Variants in PHRF1 observed in about 807,000 individuals in gnomAD.
PHRF1 encodes PHD and ring finger domains 1, also known as PHD and RING finger domain-containing protein 1.
PHRF1 carries 53 observed loss-of-function variants against 128.9 expected under a neutral mutation model. The ratio of observed to expected loss-of-function variants is 0.41; its 90% confidence interval spans 0.33 to 0.52. The LOEUF is 0.52. Ranked by LOEUF, PHRF1 falls within the 20% of genes least tolerant of loss-of-function variation. The pLI, the probability that PHRF1 is intolerant of heterozygous loss-of-function variation, is 0.21. For missense variants in PHRF1, 2,503 were observed against 2,284.5 expected (o/e 1.10, Z -1.95); for synonymous variants, 1,178 against 980.6 (o/e 1.20, Z -3.76).
At chr11:586,947 A>C (rs930107957) in intron 3 of PHRF1, among the ~76,000 whole-genome samples, 3 of 152,140 alleles carry the variant, frequency 2.0e-5, no homozygotes, top group African/African-American at 7.2e-5. Context: ...GCTAGGCCCC[A>C]GGGCTGCCCT....
At chr11:582,314 G>GAGTAC (rs1189931758) in intron 3 of PHRF1, among the ~76,000 whole-genome samples, 3 of 150,058 alleles carry the variant, frequency 2.0e-5, no homozygotes, top group Non-Finnish European at 4.4e-5. Context: ...GCCCAGGCTG[G>GAGTAC]AGTACAGTGG....
chr11:604,116 A>G (rs955969246), intron 10 of PHRF1, among the ~76,000 whole-genome samples: 3 of 152,194 alleles, frequency 2.0e-5, no homozygotes, highest in Non-Finnish European at 2.9e-5. Flanking sequence ...AGGACCTGCT[A>G]TTTCCCAGTT....
At position 596,740 on chromosome 11, in the gene PHRF1, A is replaced by G. The variant is rs190009721; in HGVS notation, c.621-183A>G. ...CTATAACCTTAAAGGTTCCATGTCTATCTGCTGTCACATTGGGGGTTAGGG... is the reference window on the plus strand; with the variant it reads ...CTATAACCTTAAAGGTTCCATGTCTGTCTGCTGTCACATTGGGGGTTAGGG... On this transcript the variant is annotated intron_variant, in intron 6 of 17. Transcript: ENST00000264555. 2.4e-3 allele frequency among the ~76,000 whole-genome samples: 365 copies of G among 152,270 alleles called. 3 individuals carry two copies. The highest frequency in any genetic ancestry group is 7.9e-3 in the African/African-American group (329 of 41,544).
At chr11:581,638 C>T (rs193011839) in intron 2 of PHRF1, 32 bp downstream of exon 2, 1 of 1,578,414 alleles carries the variant, frequency 6.3e-7, no homozygotes, top group African/African-American at 1.4e-5. Flanking sequence ...AGGGGCGTCC[C>T]CAGGAGGAGC....
intron 3 of PHRF1, among the ~76,000 whole-genome samples, chr11:583,508 CTCTG>C (rs1854345325): frequency 6.6e-6 from 1 of 152,176 alleles, no homozygotes; most frequent in South Asian, 2.1e-4. Flanking sequence ...CAGAGCGAGA[CTCTG>C]TCTCAAAAAG....
rs1424621081 is a variant in PHRF1, at chr11:591,391, A to G, written c.428A>G (p.Asn143Ser). ...TGTTTTTATTTCTCACAGAATGCCA[A>G]TTCCTGTCCAGTTGATCGAACTCTA... is the stretch of plus-strand genomic sequence containing the variant. ...DCIVEWSKNA[N>S]SCPVDRTLFK... Residue 143 changes from asparagine to serine, a missense_variant, in exon 5 of 18, where the codon AAT (asparagine) becomes AGT (serine). Asn to Ser is a conservative substitution (Grantham distance 46). Transcript: ENST00000264555. 2.5e-6 allele frequency: 4 copies of G among 1,607,308 alleles called. No individual in the cohort carries two copies. Among genetic ancestry groups the G allele is most frequent in the African/African-American group, 1.3e-5 (1 of 74,568 alleles).
Position 610,494 on chromosome 11 carries a change from C to G in PHRF1, c.4417-7C>G, listed in dbSNP as rs762855660. 6.2e-7 allele frequency: 1 copy of G among 1,601,570 alleles called. No homozygotes were observed. Among genetic ancestry groups the G allele is most frequent in the South Asian group, 1.1e-5 (1 of 90,546 alleles). The stretch of plus-strand genomic sequence containing the variant: ...GGCCCAGTGCTCAGCAGGGGTGTCC[C>G]TCCCAGGTTTACAGCCCCGGCCTGC... On this transcript the variant is annotated splice_polypyrimidine_tract_variant and splice_region_variant and intron_variant, in intron 15 of 17. Coordinates refer to ENST00000264555, the MANE Select transcript of PHRF1 (RefSeq NM_001286581.2).
chr11:594,974 A>G (rs1435326615), intron 6 of PHRF1, among the ~76,000 whole-genome samples: 1 of 152,228 alleles, frequency 6.6e-6, no homozygotes, highest in Admixed American at 6.5e-5. Context: ...ATACTTCTAA[A>G]CATTTCCATA....
chr11:580,671 G>A, intron 1 of PHRF1, among the ~76,000 whole-genome samples: 1 of 152,198 alleles, frequency 6.6e-6, no homozygotes. Flanking sequence ...GTTCGTATAT[G>A]GTGTTGCGAT....
At chr11:584,676 T>G (rs556836658) in intron 3 of PHRF1, among the ~76,000 whole-genome samples, 1 of 149,802 alleles carries the variant, frequency 6.7e-6, no homozygotes, top group East Asian at 2.0e-4. Flanking sequence ...GGGAAGGCAC[T>G]GGAGAGGTGT....
rs371501718 is a variant in PHRF1 at position 609,435 on chromosome 11, C to T, written c.3979C>T (p.His1327Tyr). ...AAIQREVSLM[H>Y]DEDPSQPPPL... ...CATCCAGAGGGAGGTGTCATTGATG[C>T]ACGATGAAGACCCTTCGCAGCCCCC... The change falls in exon 14 of 18, where the codon CAC (histidine) becomes TAC (tyrosine). Residue 1327 changes from histidine (H) to tyrosine (Y), a missense_variant. His to Tyr is a moderately conservative substitution (Grantham distance 83). Transcript: ENST00000264555. 1.2e-4 allele frequency: 185 copies of T among 1,607,982 alleles called. No homozygotes were observed. Among genetic ancestry groups the T allele is most frequent in the Non-Finnish European group, 1.5e-4 (173 of 1,179,752 alleles).
In PHRF1 at chr11:600,493, A is replaced by AATATATAT. The variant is rs35825045; in HGVS notation, c.1025-1062_1025-1055dup. The stretch of plus-strand genomic sequence containing the variant: ...GACAGAGTGAGACTCTGTCTCCAAA[A>AATATATAT]ATATATATATATATATATATATATA... On this transcript the variant is annotated intron_variant, in intron 9 of 17. Transcript: ENST00000264555. Among the ~76,000 whole-genome samples, 1,182 of 129,278 alleles carry AATATATAT rather than the reference A, an allele frequency of 9.1e-3. 23 individuals carry two copies. Among genetic ancestry groups the AATATATAT allele is most frequent in the African/African-American group, 0.035 (1,111 of 31,878 alleles). 84.8% of individuals were successfully genotyped at this position (129,278 alleles called of 152,430 possible). A position where few individuals can be genotyped will look rare whatever the true frequency, so the allele number is the denominator to read the frequency against.
intron 6 of PHRF1, among the ~76,000 whole-genome samples, chr11:593,337 A>G (rs1344716177): frequency 1.3e-5 from 2 of 152,242 alleles, no homozygotes; most frequent in Non-Finnish European, 2.9e-5. Context: ...AGAACCAGTG[A>G]GGCTGCTCGA....
At chr11:577,878 A>G (rs1020816374) in intron 1 of PHRF1, among the ~76,000 whole-genome samples, 20 of 152,242 alleles carry the variant, frequency 1.3e-4, no homozygotes, top group Non-Finnish European at 2.5e-4. Context: ...TGAATTTGAA[A>G]AGAGAGAGAA....
rs1856196620 is a variant in PHRF1 at position 609,361 on chromosome 11, A to G, written c.3905A>G (p.Asp1302Gly). 2.5e-6 allele frequency: 4 copies of G among 1,612,186 alleles called. No homozygotes were observed. The highest frequency in any genetic ancestry group is 2.5e-6 in the Non-Finnish European group (3 of 1,179,862). ...AGCACAGACTCTTCCCCGGAGCGAG[A>G]CTTCCCACTGAAGCCTGCGTTGCCC... Reference protein sequence around the residue: ...PESTDSSPERDFPLKPALPPA... With the variant: ...PESTDSSPERGFPLKPALPPA... The change falls in exon 14 of 18, where the codon GAC becomes GGC. Residue 1302 changes from aspartate (D) to glycine (G), a missense_variant. Transcript: ENST00000264555.
chr11:581,891 G>A, intron 2 of PHRF1, 71 bp from the exon 3 acceptor site: 3 of 1,486,784 alleles, frequency 2.0e-6, no homozygotes, highest in South Asian at 1.4e-5. Context: ...CTATGCCTGT[G>A]CAAAGCAACC....
chr11:599,248 CTTTTCTTTTTTTTTTTTTTTTTTT>C (rs1368638174), intron 9 of PHRF1, among the ~76,000 whole-genome samples: 1 of 124,740 alleles, frequency 8.0e-6, no homozygotes, highest in Non-Finnish European at 1.7e-5. Context: ...TTTTTTTTTT[CTTTTCTTTTTTTTTTTTTTTTTTT>C]GAGACAGAGT....
intron 4 of PHRF1, among the ~76,000 whole-genome samples, chr11:587,930 C>T (rs1435440176): frequency 1.3e-5 from 2 of 152,214 alleles, no homozygotes; most frequent in Non-Finnish European, 2.9e-5. Context: ...CGTAAACGTG[C>T]AGTGTATTTT....
In PHRF1 at chr11:592,512, C is replaced by T. The variant is rs552161193; in HGVS notation, c.505-47C>T. 38 of 1,556,752 alleles carry T rather than the reference C, an allele frequency of 2.4e-5. No homozygotes were observed. The South Asian group carries it at 2.7e-4, about 11-fold the overall frequency. The stretch of plus-strand genomic sequence containing the variant: ...TGCGTTTCACGCTGGGAAGTGACTG[C>T]GGGGAGTTTGGGTCCTGTGTGGTGG... On this transcript the variant is annotated intron_variant, in intron 5 of 17. Coordinates refer to ENST00000264555, the MANE Select transcript of PHRF1 (RefSeq NM_001286581.2).
Sources: gnomAD v4.1 joint callset for allele counts (sites outside exome capture counted in the v4.1 genomes callset) on GRCh38, gnomAD v4.1.1 for gene constraint, MANE v1.5 for transcripts, NCBI Gene and HGNC (gene_info 2026-07-23, HGNC 2026-07-21) for gene names.